Variants in CRADD observed in about 807,000 individuals in gnomAD.
CRADD encodes the protein CARD and death domain containing adaptor protein.
A neutral mutation model predicts 15.5 loss-of-function variants in CRADD; 9 were observed. The ratio of observed to expected loss-of-function variants is 0.58; its 90% CI spans 0.35 to 1.01. The LOEUF (loss-of-function observed/expected upper bound fraction) is 1.01. Among genes scored for constraint, CRADD ranks in the 50% least tolerant of loss-of-function variants. The pLI is 0.02. For missense variants in CRADD, 227 were observed against 250.3 expected, an observed-to-expected ratio of 0.91 and a Z score of 0.63; for synonymous variants, 118 against 107.6, an observed-to-expected ratio of 1.10 and a Z score of -0.60.
chr12:93,778,258 T>G (rs1493850), intron 2 of CRADD, among the ~76,000 whole-genome samples: 13,643 of 152,248 alleles, frequency 0.09, 830 homozygotes, highest in African/African-American at 0.17. Flanking sequence ...TTTTAAACCT[T>G]TCCAAGAAAT....
chr12:93,724,098 G>T (rs139753091), intron 2 of CRADD, among the ~76,000 whole-genome samples: 3 of 152,254 alleles, frequency 2.0e-5, no homozygotes, highest in Admixed American at 6.5e-5. Flanking sequence ...GCTCCAGGCC[G>T]GGTGCAGTGG....
chr12:93,780,613 T>C (rs1057434560), intron 2 of CRADD, among the ~76,000 whole-genome samples: 11 of 152,210 alleles, frequency 7.2e-5, no homozygotes, highest in African/African-American at 2.7e-4. Context: ...GTTTAAATTA[T>C]ATTGTAAGGC....
intron 2 of CRADD, among the ~76,000 whole-genome samples, chr12:93,717,775 G>A (rs2136879577): frequency 6.6e-6 from 1 of 152,172 alleles, no homozygotes; most frequent in African/African-American, 2.4e-5. Context: ...CCCACCTTGG[G>A]CTCCCCAAGT....
At chr12:93,869,685 A>T (rs12371381) in intron 2 of CRADD, among the ~76,000 whole-genome samples, 12,062 of 152,220 alleles carry the variant, frequency 0.079, 603 homozygotes, top group African/African-American at 0.14. Context: ...GATGGGATCA[A>T]CATCAGTTTG....
intron 2 of CRADD, among the ~76,000 whole-genome samples, chr12:93,783,596 A>G (rs1024779855): frequency 6.6e-6 from 1 of 152,180 alleles, no homozygotes; most frequent in East Asian, 1.9e-4. Context: ...ATGTGTGGCA[A>G]CTTTCTTCAT....
At chr12:93,682,521 T>C (rs1008841874) in intron 2 of CRADD, among the ~76,000 whole-genome samples, 12 of 152,344 alleles carry the variant, frequency 7.9e-5, no homozygotes, top group African/African-American at 2.9e-4. Flanking sequence ...TTTCTTGTGT[T>C]GGTCTTCCCA....
chr12:93,691,483 A>C (rs1955571971), intron 2 of CRADD, among the ~76,000 whole-genome samples: 1 of 152,014 alleles, frequency 6.6e-6, no homozygotes, highest in Admixed American at 6.6e-5. Context: ...CGAACTCCTG[A>C]CCTCAGGTGA....
chr12:93,778,060 TG>T (rs762156406), intron 2 of CRADD, among the ~76,000 whole-genome samples: 2 of 152,206 alleles, frequency 1.3e-5, no homozygotes, highest in Non-Finnish European at 1.5e-5. Flanking sequence ...ACAGTCCATG[TG>T]TGGTTCAGTA....
intron 2 of CRADD, among the ~76,000 whole-genome samples, chr12:93,788,323 C>T (rs765522961): frequency 3.9e-5 from 6 of 152,118 alleles, no homozygotes; most frequent in South Asian, 2.1e-4. Context: ...CTCACTATTA[C>T]GAGAACAGGA....
At chr12:93,740,364 CA>C (rs1048994216) in intron 2 of CRADD, among the ~76,000 whole-genome samples, 17 of 151,870 alleles carry the variant, frequency 1.1e-4, no homozygotes, top group African/African-American at 4.1e-4. Context: ...GAAGAAATTC[CA>C]AAAATGAGAT....
chr12:93,732,421 G>A (rs1048284699), intron 2 of CRADD, among the ~76,000 whole-genome samples: 2 of 152,140 alleles, frequency 1.3e-5, no homozygotes, highest in East Asian at 1.9e-4. Context: ...GTTGCAGATC[G>A]TTCTAAAGGC....
At chr12:93,680,663 CT>C (rs566373697) in intron 2 of CRADD, among the ~76,000 whole-genome samples, 9 of 152,192 alleles carry the variant, frequency 5.9e-5, no homozygotes, top group African/African-American at 2.2e-4. Context: ...GTTTTTATGA[CT>C]TTATTGAAAG....
intron 2 of CRADD, among the ~76,000 whole-genome samples, chr12:93,679,632 G>A (rs1000004095): frequency 4.6e-5 from 7 of 152,292 alleles, no homozygotes; most frequent in South Asian, 2.1e-4. Flanking sequence ...CTCAGAGAAT[G>A]CATTTAGAAA....
rs1466926475 is a variant in CRADD at position 93,843,370 on chromosome 12, T to C, written c.299-6600T>C. Among the ~76,000 whole-genome samples, 3 of 151,610 alleles carry C rather than the reference T, an allele frequency of 2.0e-5. No individual in the cohort carries two copies. The East Asian group carries it at 5.9e-4, about 30-fold the overall frequency. On this transcript the variant is annotated intron_variant, in intron 2 of 2. Coordinates refer to ENST00000332896, the MANE Select transcript of CRADD (RefSeq NM_003805.5). ...CACTAATTTAATGCTTTTTTTCTTT[T>C]TTGTCTTTTTATTCTTTTTTTTTTT...
chr12:93,842,212 A>T (rs1471993495), intron 2 of CRADD, among the ~76,000 whole-genome samples: 1 of 152,164 alleles, frequency 6.6e-6, no homozygotes, highest in South Asian at 2.1e-4. Context: ...TGATCACATC[A>T]TTGAATGCAA....
chr12:93,738,678 GT>G, intron 2 of CRADD: 1 of 473,136 alleles, frequency 2.1e-6, no homozygotes. Context: ...TCAACCTCCT[GT>G]TTTATTCTCA....
chr12:93,688,893 T>G (rs2136808740), intron 2 of CRADD, among the ~76,000 whole-genome samples: 1 of 152,304 alleles, frequency 6.6e-6, no homozygotes, highest in South Asian at 2.1e-4. Flanking sequence ...CTCCCCTACT[T>G]CCAGTTTCTT....
At chr12:93,785,625 A>G (rs941586013) in intron 2 of CRADD, among the ~76,000 whole-genome samples, 2 of 152,232 alleles carry the variant, frequency 1.3e-5, no homozygotes, top group Non-Finnish European at 2.9e-5. Context: ...TGGCAAATGA[A>G]AGAAAATAGA....
intron 2 of CRADD, among the ~76,000 whole-genome samples, chr12:93,731,751 T>G (rs1481364139): frequency 2.0e-5 from 3 of 152,258 alleles, no homozygotes; most frequent in African/African-American, 7.2e-5. Context: ...TGAGGATTCT[T>G]CTGGTTTAGA....
Sources: allele counts gnomAD v4.1 joint callset (sites outside exome capture counted in the v4.1 genomes callset), GRCh38; gene constraint gnomAD v4.1.1; transcripts MANE v1.5; gene names NCBI Gene and HGNC (gene_info 2026-07-23, HGNC 2026-07-21).